PRUNE2: variants seen among roughly 807,000 people sequenced by gnomAD.
PRUNE2 encodes protein prune homolog 2.
Under a neutral mutation model 252.0 loss-of-function variants are expected in PRUNE2, and 164 were observed. The observed-to-expected ratio is 0.65, with a 90% CI of 0.57 to 0.74. The LOEUF is 0.74. Ranked by LOEUF, PRUNE2 falls within the 30% of genes least tolerant of loss-of-function variation. PRUNE2 has a pLI of 0.00. For missense variants in PRUNE2, 3,495 were observed against 3,711.0 expected, an observed-to-expected ratio of 0.94 and a Z score of 1.51; for synonymous variants, 1,292 against 1,350.2, an observed-to-expected ratio of 0.96 and a Z score of 0.94.
At chr9:76,829,569 T>C (rs1164153160) in intron 4 of PRUNE2, among the ~76,000 whole-genome samples, 1 of 152,188 alleles carries the variant, frequency 6.6e-6, no homozygotes, top group African/African-American at 2.4e-5. Context: ...GATGCTTTTG[T>C]ACTATATTGA....
In PRUNE2 at chr9:76,655,424, A is replaced by G. The variant is rs754346826; in HGVS notation, c.8355T>C (p.Pro2785=). The G allele has an allele frequency of 6.2e-7, 1 of 1,608,658 alleles. No individual in the cohort carries two copies. Among genetic ancestry groups the G allele is most frequent in the East Asian group, 2.2e-5 (1 of 44,808 alleles). ...GAAATGAACAAATGCTGCTCTCACC[A>G]GGCCTCATGTCTGCAGCACTGGGAC... is the stretch of plus-strand genomic sequence containing the variant. ...VLSPSAADMR[P]EPPNSLDLND... Residue 2785 remains proline, a splice_region_variant and synonymous_variant, in exon 10 of 19, where the codon CCT becomes CCC. Transcript: ENST00000376718.
chr9:76,693,906 G>T lies in PRUNE2; in HGVS notation c.8276+9431C>A, dbSNP rs1002404432. 2.0e-5 allele frequency among the ~76,000 whole-genome samples: 3 copies of T among 152,192 alleles called. No homozygotes were observed. In the East Asian group the frequency reaches 5.8e-4, roughly 29 times the overall value. ...CAGCTATGAAGGAGACGGGGGTGGGGCCCACAGGAAGGTGTCACTTTGCAG... is the reference window on the plus strand; with the variant it reads ...CAGCTATGAAGGAGACGGGGGTGGGTCCCACAGGAAGGTGTCACTTTGCAG... On this transcript the variant is annotated intron_variant, in intron 9 of 18. Coordinates refer to ENST00000376718, the MANE Select transcript of PRUNE2 (RefSeq NM_015225.3).
At chr9:76,886,692 A>AAAT (rs2062121568) in intron 1 of PRUNE2, among the ~76,000 whole-genome samples, 1 of 152,200 alleles carries the variant, frequency 6.6e-6, no homozygotes, top group African/African-American at 2.4e-5. Context: ...CACTCCACAC[A>AAAT]ATGACTGAAG....
chr9:76,731,456 G>A (rs1215431519), intron 6 of PRUNE2, among the ~76,000 whole-genome samples: 1 of 151,418 alleles, frequency 6.6e-6, no homozygotes, highest in Non-Finnish European at 1.5e-5. Context: ...CTGAGTAGCT[G>A]GACTGCAGGC....
At chr9:76,891,232 T>C (rs931477179) in intron 1 of PRUNE2, among the ~76,000 whole-genome samples, 1 of 151,940 alleles carries the variant, frequency 6.6e-6, no homozygotes, top group African/African-American at 2.4e-5. Flanking sequence ...AATGAGGAGG[T>C]TGGAAGAGAG....
At chr9:76,745,308 G>A (rs2050004005) in intron 6 of PRUNE2, among the ~76,000 whole-genome samples, 1 of 152,186 alleles carries the variant, frequency 6.6e-6, no homozygotes, top group Non-Finnish European at 1.5e-5. Context: ...GCTAGGATGA[G>A]AGGAATTTGA....
chr9:76,787,669 G>C (rs2055132684), intron 6 of PRUNE2: 1 of 152,072 alleles, frequency 6.6e-6, no homozygotes, highest in South Asian at 2.1e-4. Context: ...CATCGCACAT[G>C]CTCATCCCTT....
intron 6 of PRUNE2, chr9:76,739,056 C>T (rs917768970): frequency 1.3e-5 from 2 of 152,060 alleles, no homozygotes; most frequent in Non-Finnish European, 2.9e-5. Flanking sequence ...AAAACTGACA[C>T]GGGGAGGGAG....
intron 18 of PRUNE2, among the ~76,000 whole-genome samples, chr9:76,614,874 G>A (rs1828687567): frequency 6.6e-6 from 1 of 151,858 alleles, no homozygotes; most frequent in Non-Finnish European, 1.5e-5. Context: ...AAAAACTCAT[G>A]TAAAGGCTCA....
chr9:76,717,233 G>A (rs942862129), intron 6 of PRUNE2, among the ~76,000 whole-genome samples: 2 of 152,224 alleles, frequency 1.3e-5, no homozygotes, highest in Non-Finnish European at 2.9e-5. Flanking sequence ...AATGTCAAGA[G>A]TTTCATGTTT....
Position 76,706,952 on chromosome 9 carries a change from C to A in PRUNE2, c.5322G>T (p.Glu1774Asp), listed in dbSNP as rs776681385. Residue 1774 changes from glutamate (E) to aspartate (D), a missense_variant, in exon 8 of 19, where the codon GAG becomes GAT. Glu to Asp is a conservative substitution (Grantham distance 45, BLOSUM62 2). Coordinates refer to ENST00000376718, the MANE Select transcript of PRUNE2 (RefSeq NM_015225.3). ...PDPWTFSPLT[E>D]TEMQITAVEK... ...CCACTGCTGTAATCTGCATTTCAGT[C>A]TCCGTTAATGGTGAGAAAGTCCAGG... 1 of 1,613,084 alleles carries A rather than the reference C, an allele frequency of 6.2e-7. No homozygotes were observed. Among genetic ancestry groups the A allele is most frequent in the Non-Finnish European group, 8.5e-7 (1 of 1,179,564 alleles).
rs1350887123 is a variant in PRUNE2, at chr9:76,708,708, A to T, written c.3566T>A (p.Leu1189His). The part of the protein sequence containing the change: ...YQEANQVDWE[L>H]PASDEHTKDS... ...CTTGGTATGCTCATCAGAGGCAGGGAGCTCCCAATCTACCTGATTTGCTTC... is the reference window on the plus strand; with the variant it reads ...CTTGGTATGCTCATCAGAGGCAGGGTGCTCCCAATCTACCTGATTTGCTTC... The change falls in exon 8 of 19, where the codon CTC becomes CAC. Residue 1189 changes from leucine (L) to histidine (H), a missense_variant. By Grantham distance (99) the Leu-to-His change is moderately conservative (BLOSUM62 -3). Coordinates refer to ENST00000376718, the MANE Select transcript of PRUNE2 (RefSeq NM_015225.3). 1.2e-6 allele frequency: 2 copies of T among 1,613,896 alleles called. No homozygotes were observed. Among genetic ancestry groups the T allele is most frequent in the Non-Finnish European group, 1.7e-6 (2 of 1,179,878 alleles).
At chr9:76,835,808 T>C (rs1036799534) in intron 4 of PRUNE2, among the ~76,000 whole-genome samples, 2 of 152,222 alleles carry the variant, frequency 1.3e-5, no homozygotes, top group African/African-American at 4.8e-5. Context: ...AAGGATCTTT[T>C]TGAAGCTGTT....
intron 9 of PRUNE2, among the ~76,000 whole-genome samples, chr9:76,690,132 C>T (rs1463430734): frequency 6.6e-6 from 1 of 152,210 alleles, no homozygotes; most frequent in African/African-American, 2.4e-5. Context: ...GAGCCATGTT[C>T]TTTGTCAACC....
intron 6 of PRUNE2, among the ~76,000 whole-genome samples, chr9:76,777,140 G>A (rs2131102572): frequency 6.6e-6 from 1 of 152,228 alleles, no homozygotes; most frequent in African/African-American, 2.4e-5. Context: ...AAGGAGAGAA[G>A]TGGGGGAGGG....
intron 1 of PRUNE2, among the ~76,000 whole-genome samples, chr9:76,872,230 C>A (rs942956057): frequency 6.6e-6 from 1 of 152,158 alleles, no homozygotes; most frequent in African/African-American, 2.4e-5. Context: ...CGCATCCCCT[C>A]CCTGAGCTCC....
intron 9 of PRUNE2, among the ~76,000 whole-genome samples, chr9:76,697,138 T>C (rs1357587552): frequency 6.6e-6 from 1 of 152,200 alleles, no homozygotes; most frequent in Non-Finnish European, 1.5e-5. Flanking sequence ...AGAGATTTTT[T>C]TCCCCCTAAA....
intron 6 of PRUNE2, among the ~76,000 whole-genome samples, chr9:76,807,051 T>TGTGCGC (rs60768420): frequency 1.1e-3 from 148 of 139,450 alleles, no homozygotes; most frequent in African/African-American, 1.5e-3. Context: ...TGTGTGTGTG[T>TGTGCGC]GCGCGCGCGC....
At position 76,724,894 on chromosome 9, in the gene PRUNE2, C is replaced by T. The variant is rs192250357; in HGVS notation, c.757-11173G>A. Among the ~76,000 whole-genome samples the T allele has an allele frequency of 3.5e-3, 536 of 152,204 alleles. 4 individuals are homozygous for T. The highest frequency in any genetic ancestry group is 0.014 in the Middle Eastern group (4 of 294). On this transcript the variant is annotated intron_variant, in intron 6 of 18. Coordinates refer to ENST00000376718, the MANE Select transcript of PRUNE2 (RefSeq NM_015225.3). ...CTGTATGTTTATAAGGATTTCTATA[C>T]GGGAACGAATAATTCAGGACACACA...
Sources: allele counts gnomAD v4.1 joint callset (sites outside exome capture counted in the v4.1 genomes callset), GRCh38; gene constraint gnomAD v4.1.1; transcripts MANE v1.5; gene names NCBI Gene and HGNC (gene_info 2026-07-23, HGNC 2026-07-21).